Variants in APH1B observed in about 807,000 individuals in gnomAD.
APH1B encodes the protein gamma-secretase subunit APH-1B.
Under a neutral mutation model 28.2 loss-of-function variants are expected in APH1B, and 27 were observed. The ratio of observed to expected loss-of-function variants is 0.96; its 90% CI spans 0.70 to 1.32. The LOEUF is 1.32. APH1B is among the 40% of genes most tolerant of loss of function. The pLI is 0.00. For missense variants in APH1B, 305 were observed against 313.6 expected (o/e 0.97, Z 0.21); for synonymous variants, 141 against 124.6 (o/e 1.13, Z -0.88).
At position 63,277,651 on chromosome 15, in the gene APH1B, G is replaced by C; in HGVS notation, c.28G>C (p.Ala10Pro). 6.3e-7 allele frequency: 1 copy of C among 1,599,892 alleles called. No homozygotes were observed. Among genetic ancestry groups the C allele is most frequent in the Non-Finnish European group, 8.5e-7 (1 of 1,173,730 alleles). ...GACTGCGGCCGTGTTCTTCGGCTGCGCCTTCATTGCCTTCGGGCCTGCGCT... is the reference window on the plus strand; with the variant it reads ...GACTGCGGCCGTGTTCTTCGGCTGCCCCTTCATTGCCTTCGGGCCTGCGCT... MTAAVFFGC[A>P]FIAFGPALAL... The change falls in exon 1 of 6, where the codon GCC (alanine) becomes CCC (proline). Residue 10 changes from alanine to proline, a missense_variant. Ala to Pro is a conservative substitution (Grantham distance 27). Coordinates refer to ENST00000261879, the MANE Select transcript of APH1B (RefSeq NM_031301.4).
chr15:63,293,442 C>G (rs1225064514), intron 4 of APH1B, among the ~76,000 whole-genome samples: 2 of 151,752 alleles, frequency 1.3e-5, no homozygotes, highest in African/African-American at 2.4e-5. Context: ...GCTGGGATTA[C>G]AGGCGTAAGC....
intron 4 of APH1B, among the ~76,000 whole-genome samples, chr15:63,288,312 C>T (rs1034380500): frequency 6.6e-6 from 1 of 152,144 alleles, no homozygotes. Context: ...ATAAGCATTT[C>T]AGTAACACTT....
rs776824678 is a variant in APH1B, at chr15:63,305,622, A to ATGG, written c.615_616insTGG (p.Ile205_Ser206insTrp). On this transcript the variant is annotated inframe_insertion, in exon 6 of 6. Transcript: ENST00000261879. ...TTATTTTTCTTTTGCAGACCTTCAT[A>ATGG]AGTTCTTATTATGGAATAAACCTGG... 1.2e-6 allele frequency: 2 copies of ATGG among 1,614,108 alleles called. No homozygotes were observed. The highest frequency in any genetic ancestry group is 3.3e-5 in the Admixed American group (2 of 60,022).
chr15:63,285,201 C>T (rs1462865914), intron 2 of APH1B, among the ~76,000 whole-genome samples: 2 of 152,150 alleles, frequency 1.3e-5, no homozygotes, highest in African/African-American at 4.8e-5. Flanking sequence ...TTGAATTCTA[C>T]ATTGCCTTAA....
chr15:63,292,275 A>T (rs1349711154), intron 4 of APH1B, among the ~76,000 whole-genome samples: 12 of 152,230 alleles, frequency 7.9e-5, no homozygotes. Flanking sequence ...TTTCATTAGA[A>T]TCTTAATTTC....
rs572538382 is a variant in APH1B, at chr15:63,286,827, T to C, written c.355+199T>C. 4.6e-5 allele frequency among the ~76,000 whole-genome samples: 7 copies of C among 152,380 alleles called. No homozygotes were observed. The East Asian group carries it at 1.3e-3, about 29-fold the overall frequency. ...TGATTGCAAGTGACCCTTACCTGTA[T>C]GTCCATTGTATATTAACCAGGTTTG... On this transcript the variant is annotated intron_variant, in intron 3 of 5. Coordinates refer to ENST00000261879, the MANE Select transcript of APH1B (RefSeq NM_031301.4).
intron 5 of APH1B, 96 bp from the exon 6 acceptor site, chr15:63,305,518 C>G: frequency 7.0e-7 from 1 of 1,432,612 alleles, no homozygotes; most frequent in South Asian, 1.2e-5. Flanking sequence ...CACCCAAGTT[C>G]TTGAAAGTAT....
At position 63,308,240 on chromosome 15, in the gene APH1B, A is replaced by G. The variant is rs2038707070; in HGVS notation, c.*2459A>G. ...ATATGTTGACCTTAGAGAATTGTGAATATTGTTGCAATTCTTGAATATATT... is the reference window on the plus strand; with the variant it reads ...ATATGTTGACCTTAGAGAATTGTGAGTATTGTTGCAATTCTTGAATATATT... On this transcript the variant is annotated 3_prime_UTR_variant, in exon 6 of 6. Coordinates refer to ENST00000261879, the MANE Select transcript of APH1B (RefSeq NM_031301.4). The G allele has an allele frequency of 6.6e-6, 1 of 152,188 alleles. No homozygotes were observed. Among genetic ancestry groups the G allele is most frequent in the Admixed American group, 6.5e-5 (1 of 15,278 alleles). 9.4% of individuals were successfully genotyped at this position (152,188 alleles called of 1,614,324 possible).
At chr15:63,286,467 G>A in intron 2 of APH1B, 91 bp from the exon 3 acceptor site, 1 of 1,018,328 alleles carries the variant, frequency 9.8e-7, no homozygotes, top group Non-Finnish European at 1.4e-6. Flanking sequence ...TGAGTATCTG[G>A]GTTTGAAGTG....
chr15:63,304,285 G>A lies in APH1B; in HGVS notation c.607-1329G>A, dbSNP rs1464722215. Among the ~76,000 whole-genome samples, 1 of 152,192 alleles carries A rather than the reference G, an allele frequency of 6.6e-6. No homozygotes were observed. The highest frequency in any genetic ancestry group is 6.5e-5 in the Admixed American group (1 of 15,272). ...GGGGCAGGGACTGGTGGAACAGGGA[G>A]GCTCCTGGGGGCTGAGAATGTTTTG... On this transcript the variant is annotated intron_variant, in intron 5 of 5. Coordinates refer to ENST00000261879, the MANE Select transcript of APH1B (RefSeq NM_031301.4). This position sits in a 1 kb window ranked among gnomAD's most constrained non-coding sequence, Gnocchi z 5.1.
intron 4 of APH1B, among the ~76,000 whole-genome samples, chr15:63,300,186 G>C (rs893362608): frequency 6.6e-6 from 1 of 151,974 alleles, no homozygotes; most frequent in Admixed American, 6.6e-5. Flanking sequence ...GTGCCATCTC[G>C]AGCCATCTGG....
intron 2 of APH1B, among the ~76,000 whole-genome samples, chr15:63,284,943 A>G (rs1232759449): frequency 6.6e-6 from 1 of 152,160 alleles, no homozygotes; most frequent in Admixed American, 6.5e-5. Context: ...GTTGACAGAG[A>G]TTTTTACTAT....
rs779747650 is a variant in APH1B, at chr15:63,287,392, A to G, written c.356-32A>G. 12 of 1,608,088 alleles carry G rather than the reference A, an allele frequency of 7.5e-6. No homozygotes were observed. In the East Asian group the frequency reaches 2.7e-4, roughly 36 times the overall value. On this transcript the variant is annotated intron_variant, in intron 3 of 5. Coordinates refer to ENST00000261879, the MANE Select transcript of APH1B (RefSeq NM_031301.4). ...AATTTGACTTGAAATCTTGGCAGGAAAAGAGTTAACAGTGTTTTTCTTCCT... is the reference window on the plus strand; with the variant it reads ...AATTTGACTTGAAATCTTGGCAGGAGAAGAGTTAACAGTGTTTTTCTTCCT...
At chr15:63,297,011 A>G (rs1042674327) in intron 4 of APH1B, among the ~76,000 whole-genome samples, 2 of 152,262 alleles carry the variant, frequency 1.3e-5, no homozygotes, top group Non-Finnish European at 2.9e-5. Flanking sequence ...ATTCACTACC[A>G]AGATACTTTG....
intron 2 of APH1B, among the ~76,000 whole-genome samples, chr15:63,281,657 C>T (rs887860177): frequency 1.3e-5 from 2 of 152,022 alleles, no homozygotes; most frequent in African/African-American, 4.8e-5. Flanking sequence ...TTCTTCACTG[C>T]CTTGCATCTT....
chr15:63,280,249 G>A (rs2038371209), intron 2 of APH1B, among the ~76,000 whole-genome samples: 2 of 152,178 alleles, frequency 1.3e-5, no homozygotes, highest in African/African-American at 2.4e-5. Flanking sequence ...TGTTGGGCCA[G>A]AAAGTAGGTC....
intron 4 of APH1B, among the ~76,000 whole-genome samples, chr15:63,300,622 A>G (rs1382404809): frequency 6.6e-6 from 1 of 152,248 alleles, no homozygotes; most frequent in African/African-American, 2.4e-5. Context: ...GGGTTAAAAT[A>G]CATCACTTTA....
Position 63,305,870 on chromosome 15 carries a change from G to A in APH1B, c.*89G>A, listed in dbSNP as rs2038682825. On this transcript the variant is annotated 3_prime_UTR_variant, in exon 6 of 6. Coordinates refer to ENST00000261879, the MANE Select transcript of APH1B (RefSeq NM_031301.4). ...TTTTCTGAAAATCCCTTTTTCTGGTGGAATTGAGAAAGAAATAAAACTATG... is the reference window on the plus strand; with the variant it reads ...TTTTCTGAAAATCCCTTTTTCTGGTAGAATTGAGAAAGAAATAAAACTATG... 3 of 1,471,258 alleles carry A rather than the reference G, an allele frequency of 2.0e-6. No individual in the cohort carries two copies. The highest frequency in any genetic ancestry group is 2.7e-5 in the South Asian group (2 of 74,262). 91.1% of individuals were successfully genotyped at this position (1,471,258 alleles called of 1,614,324 possible). A position where few individuals can be genotyped will look rare whatever the true frequency, so the allele number is the denominator to read the frequency against.
intron 1 of APH1B, 70 bp downstream of exon 1, chr15:63,277,806 C>A: frequency 1.4e-6 from 2 of 1,460,706 alleles, no homozygotes; most frequent in Non-Finnish European, 9.4e-7. Context: ...CCGCGACCCT[C>A]GGCGCCCCCA....
Sources: allele counts gnomAD v4.1 joint callset (sites outside exome capture counted in the v4.1 genomes callset), GRCh38; gene constraint gnomAD v4.1.1; non-coding constraint Gnocchi (gnomAD v3.1); transcripts MANE v1.5; gene names NCBI Gene and HGNC (gene_info 2026-07-23, HGNC 2026-07-21).